Variants in KRR1 observed in about 807,000 individuals in gnomAD.
KRR1 encodes the protein KRR1 small subunit processome component.
A neutral mutation model predicts 50.0 loss-of-function variants in KRR1; 23 were observed. The ratio of observed to expected loss-of-function variants is 0.46; its 90% CI spans 0.33 to 0.65. KRR1 has a LOEUF of 0.65. Ranked by LOEUF, KRR1 falls within the 30% of genes least tolerant of loss-of-function variation. The pLI, the probability that KRR1 is intolerant of heterozygous loss-of-function variation, is 0.02. For synonymous variants in KRR1, 133 were observed against 146.3 expected, an observed-to-expected ratio of 0.91 and a Z score of 0.66; for missense variants, 419 against 442.4, an observed-to-expected ratio of 0.95 and a Z score of 0.47.
intron 1 of KRR1, 128 bp downstream of exon 1, chr12:75,511,385 G>A (rs1679372): frequency 1.3e-6 from 1 of 777,658 alleles, no homozygotes; most frequent in Non-Finnish European, 2.2e-6. Flanking sequence ...TCTTATCAGC[G>A]ATTATTCAGG....
chr12:75,494,736 T>C lies in KRR1; in HGVS notation c.*5073A>G, dbSNP rs919420747. On this transcript the variant is annotated 3_prime_UTR_variant, in exon 10 of 10. Coordinates refer to ENST00000229214, the MANE Select transcript of KRR1 (RefSeq NM_007043.7). ...AAAAATTAGTGCAATGGCAGGTTCA[T>C]TGAGATAAATGTGCCCCCTCTCCCC... The C allele has an allele frequency of 3.3e-5, 5 of 152,208 alleles. No homozygotes were observed. The highest frequency in any genetic ancestry group is 7.2e-5 in the African/African-American group (3 of 41,444). The allele number at this position is 152,208 out of a possible 1,614,324, so 9.4% of individuals were successfully genotyped here. A position where few individuals can be genotyped will look rare whatever the true frequency, so the allele number is the denominator to read the frequency against.
At chr12:75,510,798 A>C (rs965459695) in intron 1 of KRR1, among the ~76,000 whole-genome samples, 3 of 152,310 alleles carry the variant, frequency 2.0e-5, no homozygotes, top group Admixed American at 6.5e-5. Context: ...TCATTTAATG[A>C]GCAACAACAA....
intron 7 of KRR1, 104 bp downstream of exon 7, chr12:75,503,796 AATAT>A: frequency 1.1e-6 from 1 of 950,174 alleles, no homozygotes; most frequent in Non-Finnish European, 1.6e-6. Flanking sequence ...ACACACACAC[AATAT>A]ATATATATAC....
At chr12:75,507,039 G>A in intron 2 of KRR1, 123 bp from the exon 3 acceptor site, 1 of 726,092 alleles carries the variant, frequency 1.4e-6, no homozygotes, top group African/African-American at 1.8e-5. Flanking sequence ...TTACTTCCCT[G>A]AAGAAGCTAG....
chr12:75,499,888 T>C lies in KRR1; in HGVS notation c.1067A>G (p.Lys356Arg). ...IKEKVKKAKNKKLGALTAEEI... is the reference protein window; with the variant it reads ...IKEKVKKAKNRKLGALTAEEI... Reference sequence around the variant, plus strand: ...TTCAGCTGTAAGAGCTCCCAGTTTCTTATTCTTTGCTTTCTTAACCTTTTC... The same window carrying C: ...TTCAGCTGTAAGAGCTCCCAGTTTCCTATTCTTTGCTTTCTTAACCTTTTC... Residue 356 changes from lysine (K) to arginine (R), a missense_variant, in exon 10 of 10, where the codon AAG becomes AGG. By Grantham distance (26) the Lys-to-Arg change is conservative. Coordinates refer to ENST00000229214, the MANE Select transcript of KRR1 (RefSeq NM_007043.7). The C allele has an allele frequency of 1.2e-6, 2 of 1,609,950 alleles. No homozygotes were observed. Among genetic ancestry groups the C allele is most frequent in the Non-Finnish European group, 1.7e-6 (2 of 1,178,198 alleles).
intron 1 of KRR1, among the ~76,000 whole-genome samples, chr12:75,510,008 G>A (rs1364358471): frequency 6.6e-6 from 1 of 152,026 alleles, no homozygotes; most frequent in African/African-American, 2.4e-5. Context: ...GAAATACTCA[G>A]GAGTTTCACA....
Position 75,499,682 on chromosome 12 carries a change from GAAC to G in KRR1, c.*124_*126del, listed in dbSNP as rs970625503. 7.1e-5 allele frequency: 38 copies of G among 534,712 alleles called. No homozygotes were observed. The highest frequency in any genetic ancestry group is 5.2e-4 in the Middle Eastern group (1 of 1,934). The allele number at this position is 534,712 out of a possible 1,614,324, so 33.1% of individuals were successfully genotyped here. On this transcript the variant is annotated 3_prime_UTR_variant, in exon 10 of 10. Transcript: ENST00000229214. Reference sequence around the variant, plus strand: ...TAATTTATAAAGAACACTCTTCTATGAACAACCACCACCACCAAAAAAAAAAAA... The same window carrying G: ...TAATTTATAAAGAACACTCTTCTATGAACCACCACCACCAAAAAAAAAAAA...
At chr12:75,508,614 TCAAAGA>T (rs2046433385) in intron 1 of KRR1, among the ~76,000 whole-genome samples, 168 bp from the exon 2 acceptor site, 1 of 152,164 alleles carries the variant, frequency 6.6e-6, no homozygotes, top group Non-Finnish European at 1.5e-5. Context: ...TATTCAAGAG[TCAAAGA>T]ACGTTCCTCT....
Position 75,495,891 on chromosome 12 carries a change from A to AC in KRR1, c.*3917_*3918insG, listed in dbSNP as rs2046347687. 3.1e-6 allele frequency: 1 copy of AC among 327,284 alleles called. No individual in the cohort carries two copies. The highest frequency in any genetic ancestry group is 4.8e-5 in the Admixed American group (1 of 21,014). The allele number at this position is 327,284 out of a possible 1,614,324, so 20.3% of individuals were successfully genotyped here. On this transcript the variant is annotated 3_prime_UTR_variant, in exon 10 of 10. Transcript: ENST00000229214. ...TCTAATTGGTCAAACAACAACAACA[A>AC]AAAAAACTGTCAGAAACTGTAGACT...
intron 9 of KRR1, chr12:75,500,292 A>C (rs1245237685): frequency 1.3e-5 from 2 of 157,192 alleles, no homozygotes; most frequent in Admixed American, 1.3e-4. Flanking sequence ...TTTTACCTAC[A>C]TTCTTTTCCA....
rs1169200093 is a variant in KRR1, at chr12:75,496,007, T to TG, written c.*3801_*3802insC. Reference sequence around the variant, plus strand: ...CAGAATTCTGTTTTCGTTTTTTTTTTTGTTTTTTTTTTTTGAGACAGAGTC... The same window carrying TG: ...CAGAATTCTGTTTTCGTTTTTTTTTTGTGTTTTTTTTTTTTGAGACAGAGTC... On this transcript the variant is annotated 3_prime_UTR_variant, in exon 10 of 10. Transcript: ENST00000229214. 3 of 129,106 alleles carry TG rather than the reference T, an allele frequency of 2.3e-5. No homozygotes were observed. Among genetic ancestry groups the TG allele is most frequent in the Non-Finnish European group, 3.4e-5 (2 of 58,132 alleles). 8.0% of individuals were successfully genotyped at this position (129,106 alleles called of 1,614,324 possible).
rs978142270 is a variant in KRR1, at chr12:75,497,053, C to G, written c.*2756G>C. On this transcript the variant is annotated 3_prime_UTR_variant, in exon 10 of 10. Transcript: ENST00000229214. The stretch of plus-strand genomic sequence containing the variant: ...CACTTCAGAACGTATATATTTCTTC[C>G]TTCCAAATTAACCAGTATACATAAG... 2 of 152,156 alleles carry G rather than the reference C, an allele frequency of 1.3e-5. No homozygotes were observed. Among genetic ancestry groups the G allele is most frequent in the Non-Finnish European group, 1.5e-5 (1 of 68,022 alleles). The allele number at this position is 152,156 out of a possible 1,614,324, so 9.4% of individuals were successfully genotyped here. A position where few individuals can be genotyped will look rare whatever the true frequency, so the allele number is the denominator to read the frequency against.
intron 6 of KRR1, among the ~76,000 whole-genome samples, chr12:75,504,719 T>TA (rs1393798742): frequency 6.6e-6 from 1 of 152,056 alleles, no homozygotes; most frequent in Non-Finnish European, 1.5e-5. Context: ...TTTCCAAGAA[T>TA]AATCAAACTT....
rs1438280523 is a variant in KRR1, at chr12:75,498,878, C to G, written c.*931G>C. ...CCCATATATCCACGTAACAGATACA[C>G]TTCTCTCTTTCTCATTGTTAATTCA... On this transcript the variant is annotated 3_prime_UTR_variant, in exon 10 of 10. Transcript: ENST00000229214. 11 of 1,609,748 alleles carry G rather than the reference C, an allele frequency of 6.8e-6. No individual in the cohort carries two copies. The highest frequency in any genetic ancestry group is 9.4e-6 in the Non-Finnish European group (11 of 1,176,466).
chr12:75,503,840 AGT>A, intron 7 of KRR1, 62 bp downstream of exon 7: 1 of 1,412,256 alleles, frequency 7.1e-7, no homozygotes, highest in Non-Finnish European at 9.7e-7. Flanking sequence ...CTTTCAATAA[AGT>A]TTCTGACCAA....
In KRR1 at chr12:75,499,821, CTTCTTTTTCTTT is replaced by C. The variant is rs2046378922; in HGVS notation, c.1122_1133del (p.Lys375_Lys378del). 6.3e-7 allele frequency: 1 copy of C among 1,585,944 alleles called. No homozygotes were observed. The highest frequency in any genetic ancestry group is 1.2e-5 in the South Asian group (1 of 86,486). On this transcript the variant is annotated inframe_deletion, in exon 10 of 10. Transcript: ENST00000229214. The stretch of plus-strand genomic sequence containing the variant: ...AGTTTTGGGTATGTTACTTTTTTTT[CTTCTTTTTCTTT>C]TCATCTGCCTCCATCTTAAGTGCAA...
At chr12:75,500,240 A>G (rs886148076) in intron 9 of KRR1, 4 of 189,428 alleles carry the variant, frequency 2.1e-5, no homozygotes, top group Non-Finnish European at 3.2e-5. Flanking sequence ...GGATTCAACT[A>G]TATTAAGACT....
At chr12:75,501,666 T>A in intron 9 of KRR1, 57 bp downstream of exon 9, 1 of 1,137,730 alleles carries the variant, frequency 8.8e-7, no homozygotes, top group Non-Finnish European at 1.3e-6. Flanking sequence ...CAGACAAATT[T>A]ATTATGGGTT....
intron 7 of KRR1, 143 bp from the exon 8 acceptor site, chr12:75,502,143 G>A: frequency 3.0e-6 from 2 of 677,388 alleles, no homozygotes; most frequent in Non-Finnish European, 5.1e-6. Context: ...AAAGGAAACA[G>A]AGTCTAAGCT....
Sources: gnomAD v4.1 joint callset for allele counts (sites outside exome capture counted in the v4.1 genomes callset) on GRCh38, gnomAD v4.1.1 for gene constraint, MANE v1.5 for transcripts, NCBI Gene and HGNC (gene_info 2026-07-23, HGNC 2026-07-21) for gene names.